PRCC: variants seen among roughly 807,000 people sequenced by gnomAD.
PRCC encodes proline rich mitotic checkpoint control factor.
In PRCC, 10 loss-of-function variants were observed where a neutral mutation model predicts 44.0. That is an observed-to-expected ratio of 0.23 (90% CI 0.14 to 0.39). PRCC has a LOEUF of 0.39. Among genes scored for constraint, PRCC ranks in the 10% least tolerant of loss-of-function variants. The pLI, the probability that PRCC is intolerant of heterozygous loss-of-function variation, is 1.00. For missense variants in PRCC, 573 were observed against 624.7 expected (o/e 0.92, Z 0.88); for synonymous variants, 278 against 259.5 (o/e 1.07, Z -0.69).
At chr1:156,794,284 T>A (rs898178459) in intron 4 of PRCC, among the ~76,000 whole-genome samples, 4 of 152,202 alleles carry the variant, frequency 2.6e-5, no homozygotes, top group Non-Finnish European at 4.4e-5. Context: ...TCTAAAATTG[T>A]ATGCAGTCCT....
At chr1:156,798,455 A>G (rs565762203) in intron 6 of PRCC, among the ~76,000 whole-genome samples, 1 of 152,304 alleles carries the variant, frequency 6.6e-6, no homozygotes, top group South Asian at 2.1e-4. Flanking sequence ...ACCCCAGTCT[A>G]CGGAACGTAC....
In PRCC at chr1:156,788,857, G is replaced by A. The variant is rs539678730; in HGVS notation, c.1083+1683G>A. On this transcript the variant is annotated intron_variant, in intron 3 of 6. Coordinates refer to ENST00000271526, the MANE Select transcript of PRCC (RefSeq NM_005973.5). ...CTTTTTGTATTTTTAGTAGAAACAG[G>A]GTTTCTCCATGTTGGTCAGGCTGGT... Among the ~76,000 whole-genome samples the A allele has an allele frequency of 3.3e-5, 5 of 151,976 alleles. No homozygotes were observed. The East Asian group carries it at 9.6e-4, about 29-fold the overall frequency.
chr1:156,791,090 C>T (rs1429478533), intron 3 of PRCC: 1 of 1,412,588 alleles, frequency 7.1e-7, no homozygotes, highest in Non-Finnish European at 9.5e-7. Context: ...ATCTGGGCCA[C>T]TCGCCTCTAA....
At chr1:156,778,584 T>C (rs1651912335) in intron 1 of PRCC, among the ~76,000 whole-genome samples, 2 of 148,382 alleles carry the variant, frequency 1.3e-5, no homozygotes, top group Admixed American at 1.3e-4. Context: ...AGTAATTCTT[T>C]TTTTTTTTTT....
chr1:156,782,936 G>A (rs1471931630), intron 2 of PRCC, among the ~76,000 whole-genome samples: 1 of 151,690 alleles, frequency 6.6e-6, no homozygotes, highest in Admixed American at 6.6e-5. Context: ...ATGGAGTTTC[G>A]CTCTTGTTGC....
At chr1:156,774,173 T>C (rs1255337240) in intron 1 of PRCC, among the ~76,000 whole-genome samples, 2 of 115,770 alleles carry the variant, frequency 1.7e-5, no homozygotes, top group Non-Finnish European at 3.6e-5. Flanking sequence ...TTTTTTTTTT[T>C]TTTTTTTTTT....
Position 156,786,824 on chromosome 1 carries a change from A to G in PRCC, c.733A>G (p.Ile245Val). The G allele has an allele frequency of 1.2e-6, 2 of 1,614,200 alleles. No individual in the cohort carries two copies. Among genetic ancestry groups the G allele is most frequent in the Non-Finnish European group, 1.7e-6 (2 of 1,180,020 alleles). Residue 245 changes from isoleucine (I) to valine (V), a missense_variant, in exon 3 of 7, where the codon ATC becomes GTC. Physicochemically the swap from Ile to Val is conservative, Grantham distance 29 (BLOSUM62 3). Coordinates refer to ENST00000271526, the MANE Select transcript of PRCC (RefSeq NM_005973.5). ...AACCACCACTCCGTCGCCCTCTGCT[A>G]TCAAGGCTGCTGCCAAGAGTGCTGC... ...TTTTTPSPSA[I>V]KAAAKSAALQ...
rs751821179 is a variant in PRCC, at chr1:156,790,936, T to C, written c.1084-761T>C. On this transcript the variant is annotated intron_variant, in intron 3 of 6. Coordinates refer to ENST00000271526, the MANE Select transcript of PRCC (RefSeq NM_005973.5). ...ACAAATGTTCTTAGAAGGGCATTTC[T>C]TGGAGTTTAAGACGAAGTGGAAGAA... The C allele has an allele frequency of 6.1e-6, 3 of 489,444 alleles. No homozygotes were observed. In the East Asian group the frequency reaches 1.6e-4, roughly 26 times the overall value. 30.3% of individuals were successfully genotyped at this position (489,444 alleles called of 1,614,324 possible). A position where few individuals can be genotyped will look rare whatever the true frequency, so the allele number is the denominator to read the frequency against.
chr1:156,783,944 T>C (rs1469562818), intron 2 of PRCC, among the ~76,000 whole-genome samples: 2 of 135,208 alleles, frequency 1.5e-5, no homozygotes, highest in Non-Finnish European at 3.2e-5. Flanking sequence ...ATTTATTTAT[T>C]TAATTTTTTT....
At chr1:156,782,243 TA>T in intron 1 of PRCC, 38 bp from the exon 2 acceptor site, 1 of 1,552,380 alleles carries the variant, frequency 6.4e-7, no homozygotes, top group Non-Finnish European at 8.9e-7. Context: ...TTTACTGTCC[TA>T]AAACAGTGAG....
chr1:156,768,645 A>C (rs1040492447), intron 1 of PRCC, among the ~76,000 whole-genome samples: 7 of 152,192 alleles, frequency 4.6e-5, no homozygotes, highest in African/African-American at 4.8e-5. Flanking sequence ...ATCTGGGACA[A>C]ATCTTTTCCT....
rs574669463 is a variant in PRCC at position 156,780,339 on chromosome 1, G to A, written c.469-1943G>A. ...CTCCCAAAGTGCTGGGATTACAGGC[G>A]TGAGCCACTGCGCCACACTGTCATA... On this transcript the variant is annotated intron_variant, in intron 1 of 6. Coordinates refer to ENST00000271526, the MANE Select transcript of PRCC (RefSeq NM_005973.5). Among the ~76,000 whole-genome samples, 7 of 152,012 alleles carry A rather than the reference G, an allele frequency of 4.6e-5. No homozygotes were observed. The South Asian group carries it at 1.5e-3, about 31-fold the overall frequency.
chr1:156,768,022 C>T lies in PRCC; in HGVS notation c.251C>T (p.Pro84Leu), dbSNP rs757023118. Residue 84 changes from proline to leucine, a missense_variant, in exon 1 of 7, where the codon CCC becomes CTC. Pro to Leu is a moderately conservative substitution (Grantham distance 98). Around this residue, in one of 4 missense-constraint regions of PRCC, gnomAD observed 245 missense variants for 188.5 expected, o/e 1.30. Coordinates refer to ENST00000271526, the MANE Select transcript of PRCC (RefSeq NM_005973.5). ...AGGCTTCAGCCTCCTCCCCCCTTGC[C>T]CTTCGGCCTGGGAGGCTTCCCCCCA... is the stretch of plus-strand genomic sequence containing the variant. ...DPRLQPPPPLPFGLGGFPPPP... is the reference protein window; with the variant it reads ...DPRLQPPPPLLFGLGGFPPPP... 3.8e-6 allele frequency: 6 copies of T among 1,570,850 alleles called. No homozygotes were observed. The highest frequency in any genetic ancestry group is 4.6e-5 in the East Asian group (2 of 43,084).
intron 1 of PRCC, among the ~76,000 whole-genome samples, chr1:156,779,116 ATATATATATATATTTTTTTTTTTTT>A (rs1432351829): frequency 0.015 from 289 of 18,700 alleles, 3 homozygotes; most frequent in African/African-American, 0.067. Context: ...ATATATATAT[ATATATATATATATTTTTTTTTTTTT>A]TTTTTTTTTT....
intron 3 of PRCC, among the ~76,000 whole-genome samples, chr1:156,788,701 C>T (rs551477808): frequency 5.6e-5 from 8 of 141,600 alleles, no homozygotes; most frequent in East Asian, 4.1e-4. Flanking sequence ...CTCGCTCTGT[C>T]GCCCAGGCTG....
chr1:156,786,345 G>A (rs1044139184), intron 2 of PRCC, among the ~76,000 whole-genome samples: 18 of 152,138 alleles, frequency 1.2e-4, no homozygotes, highest in African/African-American at 4.3e-4. Flanking sequence ...TCGCTCTGTG[G>A]AAGAGGGCAG....
chr1:156,788,617 C>T (rs1319771705), intron 3 of PRCC, among the ~76,000 whole-genome samples: 1 of 151,312 alleles, frequency 6.6e-6, no homozygotes, highest in Non-Finnish European at 1.5e-5. Context: ...TTCCCATCCG[C>T]AGTGTATAAG....
intron 2 of PRCC, among the ~76,000 whole-genome samples, chr1:156,784,620 AAC>A (rs924339070): frequency 4.6e-5 from 7 of 152,160 alleles, no homozygotes; most frequent in Non-Finnish European, 7.4e-5. Context: ...CAAATCTGTG[AAC>A]ACACACACAG....
intron 4 of PRCC, among the ~76,000 whole-genome samples, chr1:156,793,809 A>G (rs1166795150): frequency 6.6e-6 from 1 of 151,868 alleles, no homozygotes. Flanking sequence ...TAATTTTTTT[A>G]TAGAGATGGG....
Sources: gnomAD v4.1 joint callset for allele counts (sites outside exome capture counted in the v4.1 genomes callset) on GRCh38, gnomAD v4.1.1 for gene constraint, gnomAD v4.1.1 regional missense constraint, MANE v1.5 for transcripts, NCBI Gene and HGNC (gene_info 2026-07-23, HGNC 2026-07-21) for gene names.